The following NAV2 variants were observed in gnomAD, a reference collection of about 807,000 sequenced individuals.
The protein encoded by NAV2 is neuron navigator 2.
NAV2 carries 54 observed loss-of-function variants against 223.2 expected under a neutral mutation model. The ratio of observed to expected loss-of-function variants is 0.24; its 90% CI spans 0.19 to 0.30. The LOEUF (loss-of-function observed/expected upper bound fraction) is 0.30. Among genes scored for constraint, NAV2 ranks in the 10% least tolerant of loss-of-function variants. The probability of loss-of-function intolerance (pLI) is 1.00; values close to 1 mark genes in which losing one functional copy is unlikely to be tolerated. For synonymous variants in NAV2, 1,279 were observed against 1,239.3 expected (o/e 1.03, Z -0.67); for missense variants, 2,806 against 3,147.5 (o/e 0.89, Z 2.60).
chr11:19,622,711 T>C (rs572018546), intron 1 of NAV2, among the ~76,000 whole-genome samples: 1 of 152,368 alleles, frequency 6.6e-6, no homozygotes, highest in East Asian at 1.9e-4. Context: ...GTCTTGACTC[T>C]TTATGCAATT....
intron 10 of NAV2, among the ~76,000 whole-genome samples, chr11:19,956,968 T>C (rs1007178670): frequency 2.0e-5 from 3 of 151,814 alleles, no homozygotes; most frequent in African/African-American, 7.3e-5. Context: ...TTGAAAGGGG[T>C]TTGCTATGAA....
rs546214984 is a variant in NAV2 at position 19,523,251 on chromosome 11, G to A, written c.75+172224G>A. Among the ~76,000 whole-genome samples, 3 of 152,306 alleles carry A rather than the reference G, an allele frequency of 2.0e-5. No homozygotes were observed. In the South Asian group the frequency reaches 6.2e-4, roughly 32 times the overall value. On this transcript the variant is annotated intron_variant, in intron 1 of 37. Coordinates refer to the NAV2 transcript ENST00000360655. Reference sequence around the variant, plus strand: ...AAACCGCCTCCTGCCCGGTCCTCCTGTGTGCCTTTCACATGCCTTCCCCAT... The same window carrying A: ...AAACCGCCTCCTGCCCGGTCCTCCTATGTGCCTTTCACATGCCTTCCCCAT...
In NAV2 at chr11:19,590,466, C is replaced by G. The variant is rs147302487; in HGVS notation, c.75+239439C>G. ...CGCACCCCAGGCACCTCTGCAGAAC[C>G]TTTAAGCTCCAGGAAACCCAGATTA... On this transcript the variant is annotated intron_variant, in intron 1 of 37. Coordinates refer to the NAV2 transcript ENST00000360655. Among the ~76,000 whole-genome samples the G allele has an allele frequency of 6.9e-3, 1,053 of 152,282 alleles. 6 individuals are homozygous for G. The highest frequency in any genetic ancestry group is 0.039 in the South Asian group (190 of 4,824).
chr11:19,633,790 T>C (rs1403149081), intron 1 of NAV2, among the ~76,000 whole-genome samples: 1 of 152,224 alleles, frequency 6.6e-6, no homozygotes, highest in Non-Finnish European at 1.5e-5. Flanking sequence ...CTCCATAAAG[T>C]GCACTGGGAG....
intron 11 of NAV2, among the ~76,000 whole-genome samples, chr11:19,999,385 T>C (rs2052315034): frequency 6.6e-6 from 1 of 152,238 alleles, no homozygotes; most frequent in Non-Finnish European, 1.5e-5. Context: ...TGGGGTTTTT[T>C]TGGATGGAGT....
At chr11:19,758,366 G>C (rs2054409147) in intron 1 of NAV2, among the ~76,000 whole-genome samples, 1 of 152,250 alleles carries the variant, frequency 6.6e-6, no homozygotes, top group Non-Finnish European at 1.5e-5. Context: ...GACTGTGTGA[G>C]ATGAGGCTTG....
intron 27 of NAV2, among the ~76,000 whole-genome samples, chr11:20,091,540 T>C (rs2060850886): frequency 6.6e-6 from 1 of 152,230 alleles, no homozygotes; most frequent in Non-Finnish European, 1.5e-5. Context: ...TGAGTATTCC[T>C]GTAGATTTGT....
chr11:19,834,804 C>A (rs1287413172), intron 2 of NAV2, among the ~76,000 whole-genome samples: 2 of 152,238 alleles, frequency 1.3e-5, no homozygotes, highest in Non-Finnish European at 2.9e-5. Flanking sequence ...ACTGTGGGAT[C>A]AGCTGTGCTG....
rs376210543 is a variant in NAV2, at chr11:19,523,597, TTTC to T, written c.75+172580_75+172582del. Among the ~76,000 whole-genome samples, 358 of 152,320 alleles carry T rather than the reference TTTC, an allele frequency of 2.4e-3. 1 individual carries two copies. Among genetic ancestry groups the T allele is most frequent in the African/African-American group, 8.2e-3 (339 of 41,576 alleles). On this transcript the variant is annotated intron_variant, in intron 1 of 37. Transcript: ENST00000360655. Reference sequence around the variant, plus strand: ...CTCTGACTAACTCAGTCTGGTGACATTTCTTCTTCTTCCGAGCCACTCTTCTTC... The same window carrying T: ...CTCTGACTAACTCAGTCTGGTGACATTTCTTCTTCCGAGCCACTCTTCTTC...
intron 11 of NAV2, among the ~76,000 whole-genome samples, chr11:20,020,378 A>G (rs1354101554): frequency 6.6e-6 from 1 of 152,236 alleles, no homozygotes; most frequent in Admixed American, 6.5e-5. Context: ...TGGCCTGTTT[A>G]GAAGCAAGCG....
chr11:19,753,234 A>C (rs141540078), intron 1 of NAV2, among the ~76,000 whole-genome samples: 1 of 152,130 alleles, frequency 6.6e-6, no homozygotes, highest in Non-Finnish European at 1.5e-5. Context: ...CTTCACTTGT[A>C]CTTATTAGAA....
rs139511398 is a variant in NAV2 at position 19,648,985 on chromosome 11, T to G, written c.76-183499T>G. ...TTACACTTGATGTTTTGTAATTGGG[T>G]TTTCTTCACTCAACATTATAAGCAT... On this transcript the variant is annotated intron_variant, in intron 1 of 37. Transcript: ENST00000360655. Among the ~76,000 whole-genome samples the G allele has an allele frequency of 3.2e-3, 482 of 152,326 alleles. 7 individuals carry two copies. In the South Asian group the frequency reaches 0.037, roughly 12 times the overall value.
At chr11:19,842,193 G>A (rs7934470) in intron 2 of NAV2, among the ~76,000 whole-genome samples, 29,483 of 152,016 alleles carry the variant, frequency 0.19, 2,960 homozygotes, top group Middle Eastern at 0.34. Context: ...AGGGAAGCTG[G>A]GCCAGTCCTC....
chr11:19,844,858 C>T (rs1590852264), intron 3 of NAV2, among the ~76,000 whole-genome samples: 1 of 150,066 alleles, frequency 6.7e-6, no homozygotes, highest in African/African-American at 2.4e-5. Context: ...AATATAAAAT[C>T]CTATAATTGT....
chr11:19,938,823 G>A (rs887066686), intron 7 of NAV2, among the ~76,000 whole-genome samples: 6 of 152,172 alleles, frequency 3.9e-5, no homozygotes, highest in Non-Finnish European at 8.8e-5. Context: ...GATGACTTGA[G>A]GTTTATCAGT....
chr11:20,006,106 T>A (rs2053044521), intron 11 of NAV2, among the ~76,000 whole-genome samples: 1 of 151,978 alleles, frequency 6.6e-6, no homozygotes, highest in African/African-American at 2.4e-5. Context: ...AAACTGTATA[T>A]CCCCGACATT....
At chr11:19,916,700 G>A (rs930242764) in intron 6 of NAV2, among the ~76,000 whole-genome samples, 4 of 152,212 alleles carry the variant, frequency 2.6e-5, no homozygotes, top group Non-Finnish European at 4.4e-5. Flanking sequence ...CTTTTAAATG[G>A]CTGGACAATA....
intron 1 of NAV2, among the ~76,000 whole-genome samples, chr11:19,737,121 A>T (rs1426625028): frequency 1.3e-5 from 2 of 152,226 alleles, no homozygotes; most frequent in African/African-American, 4.8e-5. Context: ...GGTTGACACC[A>T]TAAGTGGACA....
At chr11:19,484,208 T>C (rs1256896543) in intron 1 of NAV2, among the ~76,000 whole-genome samples, 2 of 151,746 alleles carry the variant, frequency 1.3e-5, no homozygotes, top group Non-Finnish European at 2.9e-5. Flanking sequence ...GTATGTTAAT[T>C]AAAGCCTGGC....
Sources: gnomAD v4.1 joint callset for allele counts (sites outside exome capture counted in the v4.1 genomes callset) on GRCh38, gnomAD v4.1.1 for gene constraint, MANE v1.5 for transcripts, NCBI Gene and HGNC (gene_info 2026-07-23, HGNC 2026-07-21) for gene names.